The following CYP26C1 variants were observed in gnomAD, a reference collection of about 807,000 sequenced individuals.
CYP26C1 encodes the protein cytochrome P450 26C1.
Under a neutral mutation model 39.1 loss-of-function variants are expected in CYP26C1, and 41 were observed. The ratio of observed to expected loss-of-function variants is 1.05; its 90% confidence interval spans 0.82 to 1.36. The LOEUF is 1.36. Among genes scored for constraint, CYP26C1 ranks in the 40% most tolerant of loss-of-function variants. The pLI, the probability that CYP26C1 is intolerant of heterozygous loss-of-function variation, is 0.00. For synonymous variants in CYP26C1, 362 were observed against 350.8 expected, an observed-to-expected ratio of 1.03 and a Z score of -0.36; for missense variants, 833 against 752.0, an observed-to-expected ratio of 1.11 and a Z score of -1.26.
Position 93,061,472 on chromosome 10 carries a change from G to A in CYP26C1, c.204+5G>A, listed in dbSNP as rs911544678. ...ACGCTGCACTGGTTAGTTCAGGTGA[G>A]CAGTCCTTCGACCCCGAGCGCTAAT... is the stretch of plus-strand genomic sequence containing the variant. On this transcript the variant is annotated splice_donor_5th_base_variant and intron_variant, in intron 1 of 5. Transcript: ENST00000651965. 16 of 1,549,350 alleles carry A rather than the reference G, an allele frequency of 1.0e-5. No individual in the cohort carries two copies. The highest frequency in any genetic ancestry group is 1.4e-5 in the African/African-American group (1 of 73,042).
Position 93,062,729 on chromosome 10 carries a change from C to T in CYP26C1, c.439C>T (p.Arg147Cys), listed in dbSNP as rs1846767267. The T allele has an allele frequency of 7.0e-7, 1 of 1,427,046 alleles. No homozygotes were observed. The highest frequency in any genetic ancestry group is 9.1e-7 in the Non-Finnish European group (1 of 1,101,742). 88.4% of individuals were successfully genotyped at this position (1,427,046 alleles called of 1,614,324 possible). Residue 147 changes from arginine (R) to cysteine (C), a missense_variant, in exon 3 of 6, where the codon CGC becomes TGC. By Grantham distance (180) the Arg-to-Cys change is radical (BLOSUM62 -3). Transcript: ENST00000651965. The part of the protein sequence containing the change: ...PHRRRRKVLA[R>C]VFSRAALERY... Reference sequence around the variant, plus strand: ...ACGCGCGCTCCCACAGGTCCTGGCGCGCGTGTTCAGCCGCGCCGCGCTGGA... The same window carrying T: ...ACGCGCGCTCCCACAGGTCCTGGCGTGCGTGTTCAGCCGCGCCGCGCTGGA...
At chr10:93,063,850 CT>C in intron 3 of CYP26C1, 1 of 985,964 alleles carries the variant, frequency 1.0e-6, no homozygotes, top group South Asian at 4.7e-5. Context: ...AATTACAGTG[CT>C]TTCCCCGGGG....
chr10:93,064,508 G>A lies in CYP26C1; in HGVS notation c.833G>A (p.Gly278Asp), dbSNP rs2134413042. The change falls in exon 4 of 6, where the codon GGC (glycine) becomes GAC (aspartate). Residue 278 changes from glycine (G) to aspartate (D), a missense_variant. Gly to Asp is a moderately conservative substitution (Grantham distance 94). Coordinates refer to ENST00000651965, the MANE Select transcript of CYP26C1 (RefSeq NM_183374.3). ...ATCATTCACAGTGCAAGGGAGCTGG[G>A]CCATGAGCCCTCCATGCAGGAGCTG... ...DLIIHSAREL[G>D]HEPSMQELKE... is the part of the protein sequence containing the mutation. 2 of 1,613,910 alleles carry A rather than the reference G, an allele frequency of 1.2e-6. No homozygotes were observed. The highest frequency in any genetic ancestry group is 1.7e-6 in the Non-Finnish European group (2 of 1,179,876).
At chr10:93,063,164 T>TCTGG (rs953883774) in intron 3 of CYP26C1, 169 bp downstream of exon 3, 173 of 1,393,408 alleles carry the variant, frequency 1.2e-4, no homozygotes, top group Non-Finnish European at 1.5e-4. Flanking sequence ...GGCGGTGGGC[T>TCTGG]CTGGGCCTGG....
rs1846778650 is a variant in CYP26C1, at chr10:93,063,484, C to G, written c.705+489C>G. 7.1e-6 allele frequency: 7 copies of G among 987,078 alleles called. No individual in the cohort carries two copies. In the Admixed American group the frequency reaches 4.3e-4, roughly 61 times the overall value. 61.1% of individuals were successfully genotyped at this position (987,078 alleles called of 1,614,324 possible). A position where few individuals can be genotyped will look rare whatever the true frequency, so the allele number is the denominator to read the frequency against. On this transcript the variant is annotated intron_variant, in intron 3 of 5. Transcript: ENST00000651965. ...GCGTCAGCTCCACCAGCCCTGGACC[C>G]GCTAGGTTTCGGGATCAGAGAACTG...
chr10:93,062,606 T>G, intron 2 of CYP26C1, 114 bp from the exon 3 acceptor site: 1 of 984,074 alleles, frequency 1.0e-6, no homozygotes. Flanking sequence ...GAAGTTTAGG[T>G]CTGGGCCGCT....
At position 93,064,390 on chromosome 10, in the gene CYP26C1, G is replaced by A; in HGVS notation, c.715G>A (p.Ala239Thr). ...PFSGLRKGIRARDQLHRHLEG... is the reference protein window; with the variant it reads ...PFSGLRKGIRTRDQLHRHLEG... ...TCTCCCTGAACATCAGGGCATCCGG[G>A]CAAGGGACCAGCTGCATCGGCACCT... The change falls in exon 4 of 6, where the codon GCA becomes ACA. Residue 239 changes from alanine to threonine, a missense_variant. Transcript: ENST00000651965. 4 of 1,613,608 alleles carry A rather than the reference G, an allele frequency of 2.5e-6. No individual in the cohort carries two copies. Among genetic ancestry groups the A allele is most frequent in the Non-Finnish European group, 3.4e-6 (4 of 1,179,752 alleles).
At chr10:93,065,117 C>T (rs57573488) in intron 4 of CYP26C1, among the ~76,000 whole-genome samples, 8,005 of 152,088 alleles carry the variant, frequency 0.053, 346 homozygotes, top group East Asian at 0.13. Flanking sequence ...TTTGGAATGG[C>T]CCCAGGACTT....
At position 93,068,516 on chromosome 10, in the gene CYP26C1, A is replaced by T. The variant is rs765585054; in HGVS notation, c.1388A>T (p.Glu463Val). 6.2e-7 allele frequency: 1 copy of T among 1,604,114 alleles called. No homozygotes were observed. Among genetic ancestry groups the T allele is most frequent in the Admixed American group, 1.7e-5 (1 of 58,950 alleles). Residue 463 changes from glutamate to valine, a missense_variant, in exon 6 of 6, where the codon GAG (glutamate) becomes GTG (valine). Transcript: ENST00000651965. ...GGGARSCLGQ[E>V]LAQAVLQLLA... Reference sequence around the variant, plus strand: ...GGTGCGCGCAGCTGCCTCGGCCAGGAGCTGGCGCAAGCCGTGCTCCAGCTG... The same window carrying T: ...GGTGCGCGCAGCTGCCTCGGCCAGGTGCTGGCGCAAGCCGTGCTCCAGCTG...
In CYP26C1 at chr10:93,066,111, C is replaced by T. The variant is rs1490368095; in HGVS notation, c.1017C>T (p.Pro339=). 3.2e-5 allele frequency: 42 copies of T among 1,321,522 alleles called. No individual in the cohort carries two copies. Among genetic ancestry groups the T allele is most frequent in the Admixed American group, 4.0e-5 (1 of 24,810 alleles). 81.9% of individuals were successfully genotyped at this position (1,321,522 alleles called of 1,614,324 possible). A position where few individuals can be genotyped will look rare whatever the true frequency, so the allele number is the denominator to read the frequency against. ...QGLGRACGCA[P]GAAGGSEGPP... ...TGGGGCGCGCGTGCGGCTGCGCGCC[C>T]GGGGCCGCTGGGGGCAGCGAGGGGC... Residue 339 remains proline, a synonymous_variant, in exon 5 of 6, where the codon CCC becomes CCT. Transcript: ENST00000651965.
In CYP26C1 at chr10:93,069,492, G is replaced by C. The variant is rs1293353762; in HGVS notation, c.*795G>C. The stretch of plus-strand genomic sequence containing the variant: ...ATAATTAGAGAGGTTTGAGATATTT[G>C]TACCAAAAATAGGAAGGCCAAGAAA... On this transcript the variant is annotated 3_prime_UTR_variant, in exon 6 of 6. Coordinates refer to ENST00000651965, the MANE Select transcript of CYP26C1 (RefSeq NM_183374.3). 1 of 152,278 alleles carries C rather than the reference G, an allele frequency of 6.6e-6. No individual in the cohort carries two copies. Among genetic ancestry groups the C allele is most frequent in the Non-Finnish European group, 1.5e-5 (1 of 68,078 alleles). 9.4% of individuals were successfully genotyped at this position (152,278 alleles called of 1,614,324 possible).
chr10:93,064,008 A>T, intron 3 of CYP26C1: 1 of 1,033,174 alleles, frequency 9.7e-7, no homozygotes, highest in African/African-American at 1.7e-5. Context: ...GCCTGAGCCT[A>T]GTACAGGGAA....
intron 2 of CYP26C1, 27 bp from the exon 3 acceptor site, chr10:93,062,693 C>T: frequency 7.2e-7 from 1 of 1,393,618 alleles, no homozygotes; most frequent in East Asian, 2.8e-5. Context: ...AGACCGCCGC[C>T]AGCGCTGATC....
At position 93,068,492 on chromosome 10, in the gene CYP26C1, G is replaced by A; in HGVS notation, c.1364G>A (p.Gly455Asp). The A allele has an allele frequency of 6.2e-7, 1 of 1,608,458 alleles. No homozygotes were observed. Among genetic ancestry groups the A allele is most frequent in the Non-Finnish European group, 8.5e-7 (1 of 1,177,976 alleles). Reference protein sequence around the residue: ...SRFHYIPFGGGARSCLGQELA... With the variant: ...SRFHYIPFGGDARSCLGQELA... The stretch of plus-strand genomic sequence containing the variant: ...TTCCATTACATCCCGTTCGGCGGCG[G>A]TGCGCGCAGCTGCCTCGGCCAGGAG... The change falls in exon 6 of 6, where the codon GGT becomes GAT. Residue 455 changes from glycine to aspartate, a missense_variant. Coordinates refer to ENST00000651965, the MANE Select transcript of CYP26C1 (RefSeq NM_183374.3).
rs779801810 is a variant in CYP26C1 at position 93,064,554 on chromosome 10, G to C, written c.861+18G>C. 2 of 1,603,504 alleles carry C rather than the reference G, an allele frequency of 1.2e-6. No individual in the cohort carries two copies. Among genetic ancestry groups the C allele is most frequent in the African/African-American group, 2.7e-5 (2 of 74,658 alleles). On this transcript the variant is annotated intron_variant, in intron 4 of 5. Coordinates refer to ENST00000651965, the MANE Select transcript of CYP26C1 (RefSeq NM_183374.3). ...AGCTGAAGGTAGGTGCTGACAGGCC[G>C]CTCCTTCTCCCCTCTTTTGCATTCC...
chr10:93,062,975 C>T lies in CYP26C1; in HGVS notation c.685C>T (p.Pro229Ser). ...ENLFSLPLDV[P>S]FSGLRKGIRA... ...CCTCTTCTCACTGCCTCTGGACGTT[C>T]CCTTCAGTGGCCTACGCAAGGTACG... The change falls in exon 3 of 6, where the codon CCC becomes TCC. Residue 229 changes from proline (P) to serine (S), a missense_variant. Pro to Ser is a moderately conservative substitution (Grantham distance 74). Coordinates refer to ENST00000651965, the MANE Select transcript of CYP26C1 (RefSeq NM_183374.3). 6.3e-7 allele frequency: 1 copy of T among 1,593,310 alleles called. No individual in the cohort carries two copies. Among genetic ancestry groups the T allele is most frequent in the Non-Finnish European group, 8.5e-7 (1 of 1,173,742 alleles).
At position 93,062,034 on chromosome 10, in the gene CYP26C1, C is replaced by T. The variant is rs906633195; in HGVS notation, c.229C>T (p.Arg77Ter). ...VQGSRFHSSRRERYGTVFKTH... is the reference protein window; with the variant it reads ...VQGSRFHSSR The stretch of plus-strand genomic sequence containing the variant: ...GGGCTCGCGCTTCCACAGTTCTCGC[C>T]GAGAGCGCTATGGGACAGTGTTCAA... Residue 77 changes from arginine to a stop codon, truncating the protein, a stop_gained, in exon 2 of 6, where the codon CGA becomes TGA. Transcript: ENST00000651965. LOFTEE classifies it high-confidence loss of function. 3 of 1,572,936 alleles carry T rather than the reference C, an allele frequency of 1.9e-6. No homozygotes were observed. Among genetic ancestry groups the T allele is most frequent in the African/African-American group, 1.3e-5 (1 of 74,398 alleles).
Position 93,068,567 on chromosome 10 carries a change from C to T in CYP26C1, c.1439C>T (p.Ala480Val). Residue 480 changes from alanine (A) to valine (V), a missense_variant, in exon 6 of 6, where the codon GCG (alanine) becomes GTG (valine). Transcript: ENST00000651965. Reference protein sequence around the residue: ...QLLAVELVRTARWELATPAFP... With the variant: ...QLLAVELVRTVRWELATPAFP... ...CTAGCTGTGGAGCTAGTGCGCACCGCGCGCTGGGAACTGGCCACACCCGCC... is the reference window on the plus strand; with the variant it reads ...CTAGCTGTGGAGCTAGTGCGCACCGTGCGCTGGGAACTGGCCACACCCGCC... 2 of 1,592,952 alleles carry T rather than the reference C, an allele frequency of 1.3e-6. No individual in the cohort carries two copies. The highest frequency in any genetic ancestry group is 8.5e-7 in the Non-Finnish European group (1 of 1,170,412).
At chr10:93,061,589 C>T in intron 1 of CYP26C1, 122 bp downstream of exon 1, 1 of 1,262,438 alleles carries the variant, frequency 7.9e-7, no homozygotes, top group Non-Finnish European at 1.1e-6. Context: ...GCCCACGACC[C>T]CGGGAAGCGC....
Sources: allele counts gnomAD v4.1 joint callset (sites outside exome capture counted in the v4.1 genomes callset), GRCh38; gene constraint gnomAD v4.1.1; transcripts MANE v1.5; gene names NCBI Gene and HGNC (gene_info 2026-07-23, HGNC 2026-07-21).